Variants in STRA6 observed in about 807,000 individuals in gnomAD.
The protein encoded by STRA6 is signaling receptor and transporter of retinol STRA6.
STRA6 carries 48 observed loss-of-function variants against 83.6 expected under a neutral mutation model. The ratio of observed to expected loss-of-function variants is 0.57; its 90% CI spans 0.46 to 0.73. The LOEUF (loss-of-function observed/expected upper bound fraction) is 0.73. STRA6 is among the 30% of genes least tolerant of loss of function. STRA6 has a pLI of 0.00. For synonymous variants in STRA6, 353 were observed against 362.3 expected (o/e 0.97, Z 0.29); for missense variants, 760 against 838.8 (o/e 0.91, Z 1.16).
In STRA6 at chr15:74,195,377, C is replaced by G. The variant is rs751139760; in HGVS notation, c.522G>C (p.Leu174=). 3 of 1,613,540 alleles carry G rather than the reference C, an allele frequency of 1.9e-6. No individual in the cohort carries two copies. The African/African-American group carries it at 4.0e-5, about 22-fold the overall frequency. Reference sequence around the variant, plus strand: ...GGGCCCAGGACAGCGTGCTGCCGAGCAGGTGTGCAGCTGTGTGGCCAGCCG... The same window carrying G: ...GGGCCCAGGACAGCGTGCTGCCGAGGAGGTGTGCAGCTGTGTGGCCAGCCG... ...CATAGHTAAH[L]LGSTLSWAHL... is the part of the protein sequence containing the mutation. Residue 174 remains leucine, a synonymous_variant, in exon 7 of 19, where the codon CTG becomes CTC. Coordinates refer to ENST00000395105, the MANE Select transcript of STRA6 (RefSeq NM_022369.4).
upstream of STRA6, chr15:74,202,992 C>A: frequency 6.1e-6 from 6 of 986,478 alleles, no homozygotes; most frequent in Non-Finnish European, 7.2e-6. Flanking sequence ...CACCTGACTT[C>A]ACACACATAC....
Position 74,182,361 on chromosome 15 carries a change from C to A in STRA6, c.1400G>T (p.Arg467Leu). 2 of 1,614,018 alleles carry A rather than the reference C, an allele frequency of 1.2e-6. No individual in the cohort carries two copies. The highest frequency in any genetic ancestry group is 2.2e-5 in the South Asian group (2 of 91,064). Residue 467 changes from arginine (R) to leucine (L), a missense_variant, in exon 15 of 19, where the codon CGT becomes CTT. Transcript: ENST00000395105. ...CACTCACCACGAGGACTCCAGGGAA[C>A]GGAAGAGCAGGAGGTTCCTGCCATG... ...VLHGRNLLLF[R>L]SLESSWPFWL...
intron 11 of STRA6, 81 bp from the exon 12 acceptor site, chr15:74,189,358 G>A: frequency 1.3e-6 from 2 of 1,535,002 alleles, no homozygotes; most frequent in Admixed American, 2.0e-5. Context: ...GAAGAAACTG[G>A]CAGCACACAG....
rs757924705 is a variant in STRA6 at position 74,188,371 on chromosome 15, G to A, written c.1090+744C>T. On this transcript the variant is annotated intron_variant, in intron 12 of 18. Transcript: ENST00000395105. This position sits in a 1 kb window ranked among gnomAD's most constrained non-coding sequence, Gnocchi z 4.5. Reference sequence around the variant, plus strand: ...CCTGGGGTCCCCAAGTAAGCAGAAGGCGCATGCCTCCTGAGTCCTCAGCAC... The same window carrying A: ...CCTGGGGTCCCCAAGTAAGCAGAAGACGCATGCCTCCTGAGTCCTCAGCAC... Among the ~76,000 whole-genome samples, 2 of 152,252 alleles carry A rather than the reference G, an allele frequency of 1.3e-5. No individual in the cohort carries two copies. Among genetic ancestry groups the A allele is most frequent in the African/African-American group, 4.8e-5 (2 of 41,476 alleles).
At chr15:74,194,706 C>A in intron 7 of STRA6, 1 of 1,163,684 alleles carries the variant, frequency 8.6e-7, no homozygotes, top group East Asian at 3.0e-5. Context: ...GTCCCTGGTA[C>A]AAAGTATGTG....
chr15:74,185,451 G>A (rs567848754), intron 12 of STRA6, among the ~76,000 whole-genome samples: 8 of 152,344 alleles, frequency 5.3e-5, no homozygotes, highest in South Asian at 4.1e-4. Flanking sequence ...CATACCGCAC[G>A]CCGTTATGCT....
rs371899762 is a variant in STRA6 at position 74,180,772 on chromosome 15, G to A, written c.1840+10C>T. On this transcript the variant is annotated intron_variant, in intron 18 of 18. Coordinates refer to ENST00000395105, the MANE Select transcript of STRA6 (RefSeq NM_022369.4). ...GGCTCTATTCCCCCATTCCCAGTGG[G>A]AGGGCGCACCTTCGTCTTCCTCCCC... 10 of 1,601,268 alleles carry A rather than the reference G, an allele frequency of 6.2e-6. No individual in the cohort carries two copies. Among genetic ancestry groups the A allele is most frequent in the Non-Finnish European group, 7.7e-6 (9 of 1,169,936 alleles).
At position 74,207,835 on chromosome 15, in the gene STRA6, G is replaced by A. The variant is rs146556034; in HGVS notation, c.-16+965C>T. 2.6e-4 allele frequency: 405 copies of A among 1,533,670 alleles called. 1 individual carries two copies. The African/African-American group carries it at 5.0e-3, about 19-fold the overall frequency. On this transcript the variant is annotated intron_variant, in intron 1 of 18. Transcript: ENST00000323940. ...ATCCAACTGCCCTTCGCACACATAC[G>A]TGCTTAATTCTGGCACCAGACCAAG...
In STRA6 at chr15:74,179,846, A is replaced by T; in HGVS notation, c.*234T>A. ...AACTGGCTCCTGGACCAAGGCCCTA[A>T]CCCACCAGTTTCTTTCTCCAGAACC... On this transcript the variant is annotated 3_prime_UTR_variant, in exon 19 of 19. Transcript: ENST00000395105. The T allele has an allele frequency of 1.8e-6, 1 of 567,704 alleles. No individual in the cohort carries two copies. Among genetic ancestry groups the T allele is most frequent in the Non-Finnish European group, 3.1e-6 (1 of 323,088 alleles). 35.2% of individuals were successfully genotyped at this position (567,704 alleles called of 1,614,324 possible).
upstream of STRA6, among the ~76,000 whole-genome samples, chr15:74,205,708 A>C (rs2074244411): frequency 2.0e-5 from 3 of 152,354 alleles, no homozygotes; most frequent in South Asian, 6.2e-4. Flanking sequence ...CCAGGCTGGC[A>C]GAAAGGGACC....
At position 74,196,000 on chromosome 15, in the gene STRA6, G is replaced by A. The variant is rs1177426130; in HGVS notation, c.406+8C>T. 1 of 1,613,866 alleles carries A rather than the reference G, an allele frequency of 6.2e-7. No homozygotes were observed. Among genetic ancestry groups the A allele is most frequent in the East Asian group, 2.2e-5 (1 of 44,864 alleles). On this transcript the variant is annotated splice_region_variant and intron_variant, in intron 5 of 18. Transcript: ENST00000395105. ...CACCAACCCCAGGGCCTGGGGGTCA[G>A]TGGGTACCTTGGCTGGGTGCTGAGG...
Position 74,193,463 on chromosome 15 carries a change from G to C in STRA6, c.720+337C>G, listed in dbSNP as rs776389347. Among the ~76,000 whole-genome samples the C allele has an allele frequency of 2.0e-5, 3 of 152,154 alleles. No individual in the cohort carries two copies. The South Asian group carries it at 6.2e-4, about 32-fold the overall frequency. ...AATCATCTCATTATGTGCAGAACTCGGATTAGGCACAAGGCTCCAGGCTGT... is the reference window on the plus strand; with the variant it reads ...AATCATCTCATTATGTGCAGAACTCCGATTAGGCACAAGGCTCCAGGCTGT... On this transcript the variant is annotated intron_variant, in intron 8 of 18. Coordinates refer to ENST00000395105, the MANE Select transcript of STRA6 (RefSeq NM_022369.4).
chr15:74,191,686 TC>T (rs2073550240), intron 8 of STRA6, 195 bp from the exon 9 acceptor site: 1 of 634,544 alleles, frequency 1.6e-6, no homozygotes, highest in South Asian at 1.8e-5. Flanking sequence ...CTTTTCTCTC[TC>T]ACAAATACAA....
chr15:74,197,471 G>A (rs2073872325), intron 3 of STRA6, 48 bp from the exon 4 acceptor site: 1 of 1,473,920 alleles, frequency 6.8e-7, no homozygotes, highest in South Asian at 1.2e-5. Flanking sequence ...GGCCTCCCCT[G>A]AGGGTCTGAG....
chr15:74,200,292 G>C (rs2073999555), intron 2 of STRA6, among the ~76,000 whole-genome samples: 1 of 152,194 alleles, frequency 6.6e-6, no homozygotes, highest in South Asian at 2.1e-4. Context: ...CCAGGTGGAG[G>C]GAAGTGCATG....
upstream of STRA6, among the ~76,000 whole-genome samples, chr15:74,210,181 C>T (rs191486392): frequency 1.3e-5 from 2 of 152,266 alleles, no homozygotes; most frequent in East Asian, 3.9e-4. Flanking sequence ...GAAAATTAAC[C>T]TTTGGCACAC....
upstream of STRA6, among the ~76,000 whole-genome samples, chr15:74,211,143 G>A (rs187502198): frequency 0.019 from 1,022 of 54,146 alleles, 11 homozygotes; most frequent in African/African-American, 0.05. Context: ...CCACCACTAC[G>A]CACGCACACG....
chr15:74,182,450 C>T lies in STRA6; in HGVS notation c.1311G>A (p.Val437=). ...TTCCCAGGAAGAAGATGATCTGCTG[C>T]ACCAGGAGCCCTGCCAGGGGCGGGA... is the stretch of plus-strand genomic sequence containing the variant. The part of the protein sequence containing the change: ...QTAFICLGLL[V]QQIIFFLGTT... The change falls in exon 15 of 19, where the codon GTG becomes GTA. Residue 437 remains valine (V), a synonymous_variant. Coordinates refer to ENST00000395105, the MANE Select transcript of STRA6 (RefSeq NM_022369.4). 6.2e-7 allele frequency: 1 copy of T among 1,609,178 alleles called. No homozygotes were observed. Among genetic ancestry groups the T allele is most frequent in the South Asian group, 1.1e-5 (1 of 90,228 alleles).
chr15:74,204,552 C>T (rs2074213241), upstream of STRA6, among the ~76,000 whole-genome samples: 1 of 152,230 alleles, frequency 6.6e-6, no homozygotes, highest in Non-Finnish European at 1.5e-5. Context: ...AATCCACCTC[C>T]AACCATTGGA....
Sources: gnomAD v4.1 joint callset for allele counts (sites outside exome capture counted in the v4.1 genomes callset) on GRCh38, gnomAD v4.1.1 for gene constraint, Gnocchi (gnomAD v3.1) non-coding constraint, MANE v1.5 for transcripts, NCBI Gene and HGNC (gene_info 2026-07-23, HGNC 2026-07-21) for gene names.